ZNF609: variants seen among roughly 807,000 people sequenced by gnomAD.
ZNF609 encodes the protein zinc finger protein 609.
In ZNF609, 11 loss-of-function variants were observed where a neutral mutation model predicts 109.5. The ratio of observed to expected loss-of-function variants is 0.10; its 90% CI spans 0.06 to 0.17. ZNF609 has a LOEUF of 0.17. Ranked by LOEUF, ZNF609 falls within the 10% of genes least tolerant of loss-of-function variation. The pLI is 1.00. For missense variants in ZNF609, 1,559 were observed against 1,772.4 expected, an observed-to-expected ratio of 0.88 and a Z score of 2.16; for synonymous variants, 646 against 662.0, an observed-to-expected ratio of 0.98 and a Z score of 0.37.
rs980349364 is a variant in ZNF609 at position 64,676,268 on chromosome 15, C to A, written c.3402+12C>A. On this transcript the variant is annotated intron_variant, in intron 5 of 9. Coordinates refer to ENST00000326648, the MANE Select transcript of ZNF609 (RefSeq NM_015042.2). The stretch of plus-strand genomic sequence containing the variant: ...TCTGGTACCGACAGGTAACTGTTGC[C>A]CTGGGAGGAAGTGGAAATACCGTAT... 12 of 1,584,458 alleles carry A rather than the reference C, an allele frequency of 7.6e-6. No homozygotes were observed. Among genetic ancestry groups the A allele is most frequent in the Non-Finnish European group, 1.0e-5 (12 of 1,166,232 alleles).
chr15:64,658,417 G>A (rs144158424), intron 3 of ZNF609, among the ~76,000 whole-genome samples: 3 of 151,942 alleles, frequency 2.0e-5, no homozygotes, highest in African/African-American at 7.3e-5. Flanking sequence ...GATTGGTCTC[G>A]AACTCCTGAT....
At chr15:64,634,590 A>G (rs973493477) in intron 3 of ZNF609, among the ~76,000 whole-genome samples, 1 of 152,170 alleles carries the variant, frequency 6.6e-6, no homozygotes, top group Non-Finnish European at 1.5e-5. Context: ...GCATTCAGCT[A>G]TTGGTTTTTC....
intron 2 of ZNF609, among the ~76,000 whole-genome samples, chr15:64,519,030 A>G (rs904397203): frequency 6.8e-6 from 1 of 147,988 alleles, no homozygotes; most frequent in Non-Finnish European, 1.5e-5. Flanking sequence ...CACATCTATC[A>G]TTTTACACTA....
At chr15:64,670,315 T>C (rs1294203611) in intron 3 of ZNF609, 31 bp from the exon 4 acceptor site, 1 of 1,582,266 alleles carries the variant, frequency 6.3e-7, no homozygotes, top group South Asian at 1.1e-5. Flanking sequence ...GGGGTGTGTC[T>C]TGTCTATATC....
At chr15:64,475,097 CTTTTTTTTTTTTT>C (rs56289189) in intron 1 of ZNF609, among the ~76,000 whole-genome samples, 1 of 93,064 alleles carries the variant, frequency 1.1e-5, no homozygotes, top group Non-Finnish European at 2.1e-5. Flanking sequence ...CCAGTTTATC[CTTTTTTTTTTTTT>C]TTTTTTTTTT....
chr15:64,560,649 A>G (rs1894661055), intron 2 of ZNF609, among the ~76,000 whole-genome samples: 1 of 152,150 alleles, frequency 6.6e-6, no homozygotes, highest in Admixed American at 6.6e-5. Flanking sequence ...GAGATGGAAA[A>G]GATTTTGAAG....
At chr15:64,649,738 G>T (rs1233118490) in intron 3 of ZNF609, among the ~76,000 whole-genome samples, 2 of 152,036 alleles carry the variant, frequency 1.3e-5, no homozygotes. Flanking sequence ...TTTTTATTTT[G>T]TACATGAATA....
chr15:64,592,849 G>T (rs1041410595), intron 2 of ZNF609: 5 of 548,830 alleles, frequency 9.1e-6, no homozygotes, highest in Admixed American at 3.1e-5. Context: ...GGAGGCAAAA[G>T]TTGCAGTGAG....
intron 2 of ZNF609, among the ~76,000 whole-genome samples, chr15:64,605,735 CTTT>C (rs750562675): frequency 1.5e-5 from 2 of 134,236 alleles, no homozygotes; most frequent in East Asian, 2.1e-4. Flanking sequence ...CTTTTTCTTT[CTTT>C]TTTTTTTTTT....
At chr15:64,480,259 C>T (rs749849203) in intron 1 of ZNF609, among the ~76,000 whole-genome samples, 4 of 146,142 alleles carry the variant, frequency 2.7e-5, no homozygotes, top group African/African-American at 5.1e-5. Context: ...GTGTGCTGGG[C>T]GCAGTGGCTC....
In ZNF609 at chr15:64,674,278, T is replaced by C. The variant is rs1486375374; in HGVS notation, c.1424T>C (p.Leu475Pro). 1.2e-6 allele frequency: 2 copies of C among 1,614,012 alleles called. No individual in the cohort carries two copies. The highest frequency in any genetic ancestry group is 1.7e-5 in the Admixed American group (1 of 59,982). Residue 475 changes from leucine to proline, a missense_variant, in exon 5 of 10, where the codon CTT (leucine) becomes CCT (proline). This residue lies in a region of ZNF609 where 1,204 missense variants were observed against 1,314.1 expected (regional missense o/e 0.92). Coordinates refer to ENST00000326648, the MANE Select transcript of ZNF609 (RefSeq NM_015042.2). The stretch of plus-strand genomic sequence containing the variant: ...TCCATGGGCTCAGCCACTGGCCCCC[T>C]TCCTGGGACAAAGGTAGAACCCACT... ...TNSMGSATGP[L>P]PGTKVEPTVL...
intron 2 of ZNF609, among the ~76,000 whole-genome samples, chr15:64,526,262 G>T (rs1166973913): frequency 1.3e-5 from 2 of 151,952 alleles, no homozygotes; most frequent in African/African-American, 4.8e-5. Flanking sequence ...CATTGCTAGA[G>T]TACAGAAATA....
chr15:64,617,102 C>G (rs8024055), intron 2 of ZNF609, among the ~76,000 whole-genome samples: 113,277 of 151,974 alleles, frequency 0.75, 45,684 homozygotes, highest in East Asian at 0.96. Context: ...GCCACTGCGT[C>G]CGGCCTTAAA....
At chr15:64,573,046 A>G (rs1476015044) in intron 2 of ZNF609, among the ~76,000 whole-genome samples, 1 of 152,244 alleles carries the variant, frequency 6.6e-6, no homozygotes, top group East Asian at 1.9e-4. Flanking sequence ...TAATTGAGCA[A>G]CCATTACATG....
In ZNF609 at chr15:64,673,785, A is replaced by G. The variant is rs1476179173; in HGVS notation, c.1062-131A>G. The G allele has an allele frequency of 3.8e-5, 41 of 1,075,022 alleles. 1 individual carries two copies. Among genetic ancestry groups the G allele is most frequent in the Non-Finnish European group, 5.4e-5 (41 of 760,316 alleles). 66.6% of individuals were successfully genotyped at this position (1,075,022 alleles called of 1,614,324 possible). A position where few individuals can be genotyped will look rare whatever the true frequency, so the allele number is the denominator to read the frequency against. On this transcript the variant is annotated intron_variant, in intron 4 of 9. Transcript: ENST00000326648. ...CCATTTAGTGCAATTCACAATCAGA[A>G]TTTCTTTTAACAAATCATATTCATT... is the stretch of plus-strand genomic sequence containing the variant.
At chr15:64,607,502 CTTTTT>C (rs200902765) in intron 2 of ZNF609, among the ~76,000 whole-genome samples, 2 of 131,982 alleles carry the variant, frequency 1.5e-5, no homozygotes, top group Non-Finnish European at 1.6e-5. Flanking sequence ...TTAAGGCATA[CTTTTT>C]TTTTTTTTTT....
At chr15:64,490,686 A>G (rs1893401427) in intron 1 of ZNF609, among the ~76,000 whole-genome samples, 1 of 152,202 alleles carries the variant, frequency 6.6e-6, no homozygotes, top group African/African-American at 2.4e-5. Context: ...CTTTCACCAA[A>G]TGAATCTCTA....
chr15:64,471,153 G>A (rs1893085034), intron 1 of ZNF609, among the ~76,000 whole-genome samples: 1 of 152,110 alleles, frequency 6.6e-6, no homozygotes, highest in African/African-American at 2.4e-5. Flanking sequence ...GTTGAGGCCA[G>A]GAAGAGACCA....
At chr15:64,641,783 G>T (rs4777499) in intron 3 of ZNF609, among the ~76,000 whole-genome samples, 115,445 of 151,900 alleles carry the variant, frequency 0.76, 47,670 homozygotes, top group East Asian at 0.96. Context: ...GTCTCCAGAG[G>T]CTTTGAACAT....
Sources: allele counts gnomAD v4.1 joint callset (sites outside exome capture counted in the v4.1 genomes callset), GRCh38; gene constraint gnomAD v4.1.1; regional missense constraint gnomAD v4.1.1; transcripts MANE v1.5; gene names NCBI Gene and HGNC (gene_info 2026-07-23, HGNC 2026-07-21).